Variants in NDUFAF2 observed in about 807,000 individuals in gnomAD.
NDUFAF2 encodes the protein NADH:ubiquinone oxidoreductase complex assembly factor 2.
NDUFAF2 carries 13 observed loss-of-function variants against 22.8 expected under a neutral mutation model. The observed-to-expected ratio is 0.57, with a 90% CI of 0.37 to 0.91. NDUFAF2 has a LOEUF of 0.91. NDUFAF2 is among the 40% of genes least tolerant of loss of function. The pLI is 0.01. For missense variants in NDUFAF2, 162 were observed against 195.2 expected (o/e 0.83, Z 1.01); for synonymous variants, 53 against 64.2 (o/e 0.83, Z 0.84).
chr5:61,126,228 C>T (rs144046868), intron 3 of NDUFAF2, among the ~76,000 whole-genome samples: 1 of 152,042 alleles, frequency 6.6e-6, no homozygotes, highest in African/African-American at 2.4e-5. Flanking sequence ...TAAATGTTTT[C>T]TGATTTGCAC....
At chr5:61,144,259 G>GT (rs1236365117) in intron 3 of NDUFAF2, among the ~76,000 whole-genome samples, 2 of 152,090 alleles carry the variant, frequency 1.3e-5, no homozygotes, top group East Asian at 3.9e-4. Flanking sequence ...AGTTGACTAG[G>GT]TTTGAGCCTT....
intron 1 of NDUFAF2, among the ~76,000 whole-genome samples, chr5:61,061,846 G>A (rs1179052246): frequency 6.6e-6 from 1 of 152,192 alleles, no homozygotes; most frequent in African/African-American, 2.4e-5. Context: ...ACAAGAATGA[G>A]AGGATTCCTA....
intron 2 of NDUFAF2, among the ~76,000 whole-genome samples, chr5:61,092,386 A>AT (rs1286337082): frequency 6.6e-6 from 1 of 151,908 alleles, no homozygotes; most frequent in Non-Finnish European, 1.5e-5. Context: ...GTCATCTCTG[A>AT]TTTTTGGGCA....
chr5:61,047,520 G>T (rs549793664), intron 1 of NDUFAF2, among the ~76,000 whole-genome samples: 19 of 152,144 alleles, frequency 1.2e-4, no homozygotes, highest in Non-Finnish European at 2.6e-4. Context: ...GACTTGAGAG[G>T]CATTTGAGTT....
chr5:61,012,736 TTATTA>T (rs1407293537), intron 1 of NDUFAF2, among the ~76,000 whole-genome samples: 1 of 152,050 alleles, frequency 6.6e-6, no homozygotes, highest in Non-Finnish European at 1.5e-5. Context: ...TTAAACAATT[TTATTA>T]TTTTTGTTTA....
intron 3 of NDUFAF2, among the ~76,000 whole-genome samples, chr5:61,132,036 A>G (rs142563805): frequency 1.5e-3 from 234 of 152,256 alleles, no homozygotes; most frequent in African/African-American, 5.2e-3. Context: ...CTCCCACACT[A>G]TTTCAAGTTT....
chr5:61,151,804 A>C (rs1032867393), intron 3 of NDUFAF2, among the ~76,000 whole-genome samples: 8 of 23,640 alleles, frequency 3.4e-4, no homozygotes, highest in African/African-American at 7.7e-4. Flanking sequence ...CAAAAAAACA[A>C]AAAAAAACCA....
At chr5:61,112,761 A>G (rs1752860741) in intron 3 of NDUFAF2, among the ~76,000 whole-genome samples, 1 of 151,892 alleles carries the variant, frequency 6.6e-6, no homozygotes, top group East Asian at 1.9e-4. Context: ...GTTTTTATTG[A>G]TAAGGACTTA....
intron 1 of NDUFAF2, among the ~76,000 whole-genome samples, chr5:60,947,776 A>G (rs989803982): frequency 5.3e-5 from 8 of 151,772 alleles, no homozygotes; most frequent in African/African-American, 1.9e-4. Flanking sequence ...AAAAAAAAAA[A>G]AAAAAAACAA....
At chr5:61,147,587 T>C (rs1280359531) in intron 3 of NDUFAF2, among the ~76,000 whole-genome samples, 1 of 151,848 alleles carries the variant, frequency 6.6e-6, no homozygotes, top group Non-Finnish European at 1.5e-5. Flanking sequence ...ATCTTACTTT[T>C]AAGTTTTGTT....
intron 1 of NDUFAF2, among the ~76,000 whole-genome samples, chr5:61,022,828 A>G (rs1234016828): frequency 6.6e-6 from 1 of 152,146 alleles, no homozygotes; most frequent in Non-Finnish European, 1.5e-5. Flanking sequence ...TATTTTTAGT[A>G]GAGACGGAGT....
intron 1 of NDUFAF2, among the ~76,000 whole-genome samples, chr5:61,024,852 A>G (rs1751629531): frequency 1.3e-5 from 2 of 152,144 alleles, no homozygotes; most frequent in African/African-American, 2.4e-5. Flanking sequence ...TTATTCTATC[A>G]TACTACATAT....
chr5:61,089,912 T>G (rs1752546624), intron 2 of NDUFAF2, among the ~76,000 whole-genome samples: 1 of 151,952 alleles, frequency 6.6e-6, no homozygotes, highest in Admixed American at 6.6e-5. Context: ...TCAATTGAAG[T>G]ATTTTTTTTT....
chr5:61,010,694 A>G (rs940407020), intron 1 of NDUFAF2, among the ~76,000 whole-genome samples: 3 of 152,028 alleles, frequency 2.0e-5, no homozygotes, highest in Admixed American at 6.6e-5. Flanking sequence ...TTTGCCTTGC[A>G]TTATATATTC....
chr5:61,088,232 A>T (rs554736775), intron 2 of NDUFAF2, among the ~76,000 whole-genome samples: 1 of 152,206 alleles, frequency 6.6e-6, no homozygotes, highest in Non-Finnish European at 1.5e-5. Context: ...AGGGGGAAAA[A>T]TACTCCAGCC....
At chr5:61,075,816 A>G (rs1004476839) in intron 2 of NDUFAF2, among the ~76,000 whole-genome samples, 3 of 152,218 alleles carry the variant, frequency 2.0e-5, no homozygotes, top group South Asian at 2.1e-4. Flanking sequence ...TTTCAGGTTC[A>G]GATGAATATT....
intron 2 of NDUFAF2, among the ~76,000 whole-genome samples, chr5:61,074,011 T>C (rs530599472): frequency 6.2e-4 from 94 of 152,338 alleles, no homozygotes; most frequent in African/African-American, 2.1e-3. Flanking sequence ...CCCAGTTCAG[T>C]TTCTCTCTGA....
At chr5:60,985,971 CT>C (rs1246831762) in intron 1 of NDUFAF2, among the ~76,000 whole-genome samples, 1 of 152,124 alleles carries the variant, frequency 6.6e-6, no homozygotes, top group Non-Finnish European at 1.5e-5. Flanking sequence ...AGCTAAATGG[CT>C]TGTGTCCAAA....
chr5:60,969,396 T>G (rs1394683961), intron 1 of NDUFAF2, among the ~76,000 whole-genome samples: 4 of 152,144 alleles, frequency 2.6e-5, no homozygotes, highest in Non-Finnish European at 5.9e-5. Flanking sequence ...CTTTTGTATA[T>G]AAGCCATTTT....
Sources: gnomAD v4.1 joint callset for allele counts (sites outside exome capture counted in the v4.1 genomes callset) on GRCh38, gnomAD v4.1.1 for gene constraint, MANE v1.5 for transcripts, NCBI Gene and HGNC (gene_info 2026-07-23, HGNC 2026-07-21) for gene names.